The following CACNA2D3 variants were observed in gnomAD, a reference collection of about 807,000 sequenced individuals.
The protein encoded by CACNA2D3 is voltage-dependent calcium channel subunit alpha-2/delta-3.
CACNA2D3 carries 60 observed loss-of-function variants against 160.6 expected under a neutral mutation model. That is an observed-to-expected ratio of 0.37 (90% CI 0.30 to 0.46). The LOEUF (loss-of-function observed/expected upper bound fraction) is 0.46, where lower values mean the gene tolerates loss of function less well. Among genes scored for constraint, CACNA2D3 ranks in the 20% least tolerant of loss-of-function variants. The probability of loss-of-function intolerance (pLI) is 1.00; values close to 1 mark genes in which losing one functional copy is unlikely to be tolerated. For synonymous variants in CACNA2D3, 558 were observed against 492.9 expected (o/e 1.13, Z -1.75); for missense variants, 1,205 against 1,365.0 (o/e 0.88, Z 1.85).
chr3:54,420,067 A>G (rs111256338), intron 4 of CACNA2D3, among the ~76,000 whole-genome samples: 1 of 146,356 alleles, frequency 6.8e-6, no homozygotes, highest in Non-Finnish European at 1.5e-5. Context: ...CACCCGGCCT[A>G]TTCAGTTTTT....
chr3:54,150,689 G>GT (rs1207584192), intron 2 of CACNA2D3, among the ~76,000 whole-genome samples: 1 of 152,186 alleles, frequency 6.6e-6, no homozygotes, highest in African/African-American at 2.4e-5. Flanking sequence ...TGGAAGAGGC[G>GT]TAAGTCATAC....
At chr3:54,894,308 C>G (rs1329221136) in intron 25 of CACNA2D3, among the ~76,000 whole-genome samples, 1 of 152,216 alleles carries the variant, frequency 6.6e-6, no homozygotes, top group Non-Finnish European at 1.5e-5. Context: ...CCCGGCAACT[C>G]AGTCCTTTCG....
At chr3:54,296,255 A>T (rs140259852) in intron 2 of CACNA2D3, among the ~76,000 whole-genome samples, 115 of 152,284 alleles carry the variant, frequency 7.6e-4, no homozygotes, top group Middle Eastern at 6.8e-3. Flanking sequence ...CAGTGGGAGA[A>T]CCAACCAGAC....
chr3:54,998,293 G>A (rs1041181554), intron 31 of CACNA2D3, among the ~76,000 whole-genome samples: 4 of 151,816 alleles, frequency 2.6e-5, no homozygotes, highest in African/African-American at 4.8e-5. Flanking sequence ...GTGCCACCAC[G>A]CCAGGCTAAT....
chr3:54,387,087 T>C (rs866118235), intron 4 of CACNA2D3, among the ~76,000 whole-genome samples: 1 of 152,216 alleles, frequency 6.6e-6, no homozygotes, highest in African/African-American at 2.4e-5. Context: ...ATTGATAAGA[T>C]AGCAGAATAC....
intron 4 of CACNA2D3, among the ~76,000 whole-genome samples, chr3:54,448,200 A>G (rs562322217): frequency 1.3e-3 from 198 of 152,300 alleles, no homozygotes; most frequent in African/African-American, 4.6e-3. Context: ...GGAAAGAAGA[A>G]TCTGCCTCCC....
At chr3:54,905,091 T>G (rs1559624103) in intron 27 of CACNA2D3, among the ~76,000 whole-genome samples, 1 of 152,210 alleles carries the variant, frequency 6.6e-6, no homozygotes, top group African/African-American at 2.4e-5. Flanking sequence ...ACTGCTCTTT[T>G]TAAACAGCTT....
chr3:54,536,202 A>G lies in CACNA2D3; in HGVS notation c.545-26598A>G, dbSNP rs896566743. On this transcript the variant is annotated intron_variant, in intron 5 of 37. Transcript: ENST00000474759. ...GAAAAACTGCCAGGCTGATAGTGGC[A>G]TGCCGCATACACGAAACAGGTCATT... Among the ~76,000 whole-genome samples, 4 of 152,326 alleles carry G rather than the reference A, an allele frequency of 2.6e-5. No homozygotes were observed. In the South Asian group the frequency reaches 8.3e-4, roughly 32 times the overall value.
At chr3:54,564,646 G>A (rs1016890632) in intron 6 of CACNA2D3, among the ~76,000 whole-genome samples, 1 of 152,202 alleles carries the variant, frequency 6.6e-6, no homozygotes, top group African/African-American at 2.4e-5. Context: ...GCAAGTGTGC[G>A]TGTTCTTAAG....
At chr3:55,031,416 A>G (rs1473154806) in intron 35 of CACNA2D3, among the ~76,000 whole-genome samples, 1 of 152,182 alleles carries the variant, frequency 6.6e-6, no homozygotes, top group Non-Finnish European at 1.5e-5. Flanking sequence ...AACCCATCTG[A>G]TGTATTAAAG....
intron 2 of CACNA2D3, among the ~76,000 whole-genome samples, chr3:54,294,220 T>A (rs2107481523): frequency 6.6e-6 from 1 of 152,306 alleles, no homozygotes; most frequent in Non-Finnish European, 1.5e-5. Context: ...CACCCTGTGT[T>A]GTCATTTTAG....
At chr3:54,269,613 A>G (rs1443093030) in intron 2 of CACNA2D3, among the ~76,000 whole-genome samples, 3 of 152,142 alleles carry the variant, frequency 2.0e-5, no homozygotes, top group Admixed American at 2.0e-4. Flanking sequence ...CATGTAAAGA[A>G]AATCCTGCAA....
intron 2 of CACNA2D3, among the ~76,000 whole-genome samples, chr3:54,174,573 G>C (rs1700629485): frequency 2.1e-5 from 3 of 142,910 alleles, no homozygotes; most frequent in Non-Finnish European, 1.6e-5. Flanking sequence ...CGCCCAGGCT[G>C]GAGTGCAGTG....
chr3:54,501,956 C>T (rs1422745298), intron 4 of CACNA2D3, among the ~76,000 whole-genome samples: 1 of 152,224 alleles, frequency 6.6e-6, no homozygotes, highest in East Asian at 1.9e-4. Flanking sequence ...TCACTCCATT[C>T]TCTTCTTGCC....
chr3:54,689,364 T>G (rs1357875342), intron 11 of CACNA2D3, among the ~76,000 whole-genome samples: 1 of 152,170 alleles, frequency 6.6e-6, no homozygotes, highest in Admixed American at 6.5e-5. Context: ...AGGGATGGTG[T>G]GATCTGGTCC....
At chr3:54,251,475 A>T (rs1702188635) in intron 2 of CACNA2D3, among the ~76,000 whole-genome samples, 1 of 152,228 alleles carries the variant, frequency 6.6e-6, no homozygotes, top group Non-Finnish European at 1.5e-5. Flanking sequence ...CAAACCTAGG[A>T]TTCCTTTTGG....
At chr3:54,642,367 T>G (rs910952781) in intron 11 of CACNA2D3, 126 bp downstream of exon 11, 1 of 535,944 alleles carries the variant, frequency 1.9e-6, no homozygotes, top group African/African-American at 2.0e-5. Context: ...TTTCTCAGCC[T>G]TGTGTTTTTT....
rs140823105 is a variant in CACNA2D3 at position 54,181,925 on chromosome 3, G to C, written c.204+58331G>C. 4.0e-3 allele frequency among the ~76,000 whole-genome samples: 612 copies of C among 152,178 alleles called. 8 individuals are homozygous for C. The highest frequency in any genetic ancestry group is 3.1e-3 in the Non-Finnish European group (211 of 68,010). Reference sequence around the variant, plus strand: ...AATAAGCTGTCAGAACACATGAGCTGTTTTTAAAATTATATTTATAATGGT... The same window carrying C: ...AATAAGCTGTCAGAACACATGAGCTCTTTTTAAAATTATATTTATAATGGT... On this transcript the variant is annotated intron_variant, in intron 2 of 37. Coordinates refer to ENST00000474759, the MANE Select transcript of CACNA2D3 (RefSeq NM_018398.3).
intron 2 of CACNA2D3, among the ~76,000 whole-genome samples, chr3:54,141,086 TGCGCGCGCGCGC>T (rs3060362): frequency 1.7e-5 from 2 of 119,792 alleles, no homozygotes; most frequent in African/African-American, 3.2e-5. Context: ...TGTGTGTGTG[TGCGCGCGCGCGC>T]GTGTGTGCAT....
Sources: gnomAD v4.1 joint callset for allele counts (sites outside exome capture counted in the v4.1 genomes callset) on GRCh38, gnomAD v4.1.1 for gene constraint, MANE v1.5 for transcripts, NCBI Gene and HGNC (gene_info 2026-07-23, HGNC 2026-07-21) for gene names.